The following CHRNA7 variants were observed in gnomAD, a reference collection of about 807,000 sequenced individuals.
The protein encoded by CHRNA7 is cholinergic receptor nicotinic alpha 7 subunit, also known as neuronal acetylcholine receptor subunit alpha-7.
Under a neutral mutation model 48.0 loss-of-function variants are expected in CHRNA7, and 17 were observed. That is an observed-to-expected ratio of 0.35 (90% CI 0.24 to 0.53). CHRNA7 has a LOEUF of 0.53. Ranked by LOEUF, CHRNA7 falls within the 20% of genes least tolerant of loss-of-function variation. The pLI is 0.92. For synonymous variants in CHRNA7, 75 were observed against 242.3 expected, an observed-to-expected ratio of 0.31 and a Z score of 6.41; for missense variants, 155 against 577.7, an observed-to-expected ratio of 0.27 and a Z score of 7.50.
At chr15:32,152,336 A>T (rs577910200) in intron 4 of CHRNA7, among the ~76,000 whole-genome samples, 65 of 152,246 alleles carry the variant, frequency 4.3e-4, no homozygotes, top group African/African-American at 1.4e-3. Context: ...CCAGCTACTC[A>T]GGAGGCTGAG....
At chr15:32,107,859 A>G (rs1437291642) in intron 3 of CHRNA7, among the ~76,000 whole-genome samples, 1 of 152,070 alleles carries the variant, frequency 6.6e-6, no homozygotes, top group Non-Finnish European at 1.5e-5. Context: ...AAAGCTATCT[A>G]GGTGCCCAAC....
chr15:32,073,648 C>G (rs1000538665), intron 2 of CHRNA7, among the ~76,000 whole-genome samples: 1 of 152,062 alleles, frequency 6.6e-6, no homozygotes, highest in African/African-American at 2.4e-5. Context: ...GTGTTTGGGT[C>G]GTGGGGATGG....
intron 4 of CHRNA7, among the ~76,000 whole-genome samples, chr15:32,130,690 C>T (rs747687200): frequency 1.3e-5 from 2 of 151,512 alleles, no homozygotes; most frequent in Non-Finnish European, 2.9e-5. Context: ...CATGGTTGCT[C>T]TTGATATTAC....
At chr15:32,111,225 C>G (rs573108816) in intron 3 of CHRNA7, 1 of 152,326 alleles carries the variant, frequency 6.6e-6, no homozygotes, top group African/African-American at 2.4e-5. Context: ...CCTGACTCTG[C>G]GTTTCACCAT....
intron 2 of CHRNA7, among the ~76,000 whole-genome samples, chr15:32,035,810 G>T (rs1040992592): frequency 2.0e-5 from 3 of 152,094 alleles, no homozygotes; most frequent in African/African-American, 7.2e-5. Flanking sequence ...AGCAGTTTTA[G>T]CTTCACAGCA....
intron 2 of CHRNA7, among the ~76,000 whole-genome samples, chr15:32,079,926 C>T (rs6494209): frequency 0.45 from 68,006 of 152,018 alleles, 17,674 homozygotes; most frequent in South Asian, 0.65. Flanking sequence ...GTAACCAAAA[C>T]AGGATGGTAC....
intron 4 of CHRNA7, among the ~76,000 whole-genome samples, chr15:32,138,577 G>A (rs2051315104): frequency 6.6e-6 from 1 of 151,732 alleles, no homozygotes; most frequent in African/African-American, 2.4e-5. Context: ...CTCTCTTGGT[G>A]GCGTATGGGT....
intron 4 of CHRNA7, among the ~76,000 whole-genome samples, chr15:32,112,621 C>A (rs2050782224): frequency 6.6e-6 from 1 of 152,174 alleles, no homozygotes; most frequent in Non-Finnish European, 1.5e-5. Context: ...AGGTGTCAGA[C>A]CTCATAAATA....
At chr15:32,093,972 A>G (rs2050424584) in intron 2 of CHRNA7, among the ~76,000 whole-genome samples, 1 of 152,168 alleles carries the variant, frequency 6.6e-6, no homozygotes, top group Admixed American at 6.5e-5. Flanking sequence ...AGTTTTTCCA[A>G]AGACTGCAGT....
In CHRNA7 at chr15:32,122,744, G is replaced by A. The variant is rs540634741; in HGVS notation, c.350+10845G>A. ...ATCTTTCTCCCCATGGCATTGAAGTGGGATGGTTATATTCATTTATGCATG... is the reference window on the plus strand; with the variant it reads ...ATCTTTCTCCCCATGGCATTGAAGTAGGATGGTTATATTCATTTATGCATG... On this transcript the variant is annotated intron_variant, in intron 4 of 9. Transcript: ENST00000306901. Among the ~76,000 whole-genome samples the A allele has an allele frequency of 1.3e-4, 20 of 152,170 alleles. No homozygotes were observed. In the South Asian group the frequency reaches 3.9e-3, roughly 30 times the overall value.
At chr15:32,037,560 TTTAG>T (rs140978310) in intron 2 of CHRNA7, among the ~76,000 whole-genome samples, 5,782 of 152,278 alleles carry the variant, frequency 0.038, 220 homozygotes, top group Non-Finnish European at 0.048. Flanking sequence ...AGAACAGCTC[TTTAG>T]TTAGTTCTTC....
intron 2 of CHRNA7, among the ~76,000 whole-genome samples, chr15:32,071,019 T>C (rs916701831): frequency 1.3e-5 from 2 of 152,128 alleles, no homozygotes; most frequent in Non-Finnish European, 2.9e-5. Flanking sequence ...GTCCGATTGC[T>C]GCAGCCCCAT....
chr15:32,086,233 G>A (rs1178915754), intron 2 of CHRNA7, among the ~76,000 whole-genome samples: 2 of 151,830 alleles, frequency 1.3e-5, no homozygotes, highest in Non-Finnish European at 2.9e-5. Context: ...GCTGGGCCTG[G>A]TGGCAGGCGC....
intron 2 of CHRNA7, among the ~76,000 whole-genome samples, chr15:32,075,388 A>G (rs950449063): frequency 1.3e-5 from 2 of 152,094 alleles, no homozygotes; most frequent in African/African-American, 4.8e-5. Flanking sequence ...ATGTTATAGG[A>G]CTTTTAAAAT....
chr15:32,126,963 C>T (rs2051077024), intron 4 of CHRNA7, among the ~76,000 whole-genome samples: 1 of 152,156 alleles, frequency 6.6e-6, no homozygotes, highest in South Asian at 2.1e-4. Context: ...AAATTCATCA[C>T]ATGTATTGAT....
At chr15:32,089,947 ATT>A (rs2050356621) in intron 2 of CHRNA7, among the ~76,000 whole-genome samples, 1 of 152,144 alleles carries the variant, frequency 6.6e-6, no homozygotes, top group African/African-American at 2.4e-5. Context: ...GTCTTCCTTA[ATT>A]AAGTACTCTT....
intron 2 of CHRNA7, among the ~76,000 whole-genome samples, chr15:32,073,729 G>A (rs2141222190): frequency 6.6e-6 from 1 of 152,204 alleles, no homozygotes; most frequent in East Asian, 1.9e-4. Context: ...TTTAAAAGAG[G>A]CTAGCACCAC....
chr15:32,051,459 C>CG (rs776393577), intron 2 of CHRNA7, among the ~76,000 whole-genome samples: 1 of 152,196 alleles, frequency 6.6e-6, no homozygotes, highest in Non-Finnish European at 1.5e-5. Flanking sequence ...GAGCCATGTG[C>CG]GGGATATAAT....
chr15:32,092,032 G>C (rs1329621288), intron 2 of CHRNA7, among the ~76,000 whole-genome samples: 2 of 152,152 alleles, frequency 1.3e-5, no homozygotes, highest in African/African-American at 4.8e-5. Context: ...CTGTGTTGTA[G>C]TCACCATTTC....
Sources: allele counts gnomAD v4.1 joint callset (sites outside exome capture counted in the v4.1 genomes callset), GRCh38; gene constraint gnomAD v4.1.1; transcripts MANE v1.5; gene names NCBI Gene and HGNC (gene_info 2026-07-23, HGNC 2026-07-21).